The following SLC8A3 variants were observed in gnomAD, a reference collection of about 807,000 sequenced individuals.
The protein encoded by SLC8A3 is sodium/calcium exchanger 3.
In SLC8A3, 37 loss-of-function variants were observed where a neutral mutation model predicts 65.4. The ratio of observed to expected loss-of-function variants is 0.57; its 90% CI spans 0.44 to 0.74. The LOEUF (loss-of-function observed/expected upper bound fraction) is 0.74, where lower values mean the gene tolerates loss of function less well. SLC8A3 is among the 30% of genes least tolerant of loss of function. The pLI is 0.00. For synonymous variants in SLC8A3, 461 were observed against 444.5 expected, an observed-to-expected ratio of 1.04 and a Z score of -0.47; for missense variants, 1,112 against 1,172.1, an observed-to-expected ratio of 0.95 and a Z score of 0.75.
chr14:70,142,298 G>A (rs896873079), intron 2 of SLC8A3, among the ~76,000 whole-genome samples: 6 of 152,230 alleles, frequency 3.9e-5, no homozygotes, highest in Non-Finnish European at 8.8e-5. Context: ...CAAACCTTCA[G>A]AATCTCAGAC....
At chr14:70,157,039 G>A (rs76050812) in intron 2 of SLC8A3, among the ~76,000 whole-genome samples, 1,551 of 152,320 alleles carry the variant, frequency 0.01, 31 homozygotes, top group African/African-American at 0.036. Context: ...CACTAAGAAT[G>A]TTTTCTGTTG....
intron 3 of SLC8A3, among the ~76,000 whole-genome samples, chr14:70,057,118 T>G (rs1267248777): frequency 1.3e-5 from 2 of 152,170 alleles, no homozygotes; most frequent in Middle Eastern, 3.2e-3. Flanking sequence ...AACTCAGGCC[T>G]GTGATCAATC....
intron 1 of SLC8A3, among the ~76,000 whole-genome samples, chr14:70,172,849 T>G (rs59651605): frequency 0.039 from 5,935 of 152,128 alleles, 416 homozygotes; most frequent in East Asian, 0.34. Context: ...GGAGGCATTC[T>G]GAAGGAGGTG....
At chr14:70,126,570 T>TCTCTCTCA (rs1385909771) in intron 2 of SLC8A3, among the ~76,000 whole-genome samples, 3,625 of 116,996 alleles carry the variant, frequency 0.031, 68 homozygotes, top group Non-Finnish European at 0.036. Flanking sequence ...TCTCTCTCTC[T>TCTCTCTCA]CACACACACA....
chr14:70,058,612 A>G (rs1405677306), intron 3 of SLC8A3, among the ~76,000 whole-genome samples: 2 of 152,216 alleles, frequency 1.3e-5, no homozygotes, highest in Admixed American at 1.3e-4. Flanking sequence ...AAACAGGAAG[A>G]TGTCCTTAAA....
chr14:70,098,389 C>T (rs757519070), intron 2 of SLC8A3, among the ~76,000 whole-genome samples: 1 of 152,130 alleles, frequency 6.6e-6, no homozygotes, highest in Non-Finnish European at 1.5e-5. Context: ...GCTAAAAATA[C>T]TTCTGGCAGC....
chr14:70,187,639 G>GTT (rs775352761), intron 1 of SLC8A3, among the ~76,000 whole-genome samples: 9,419 of 128,004 alleles, frequency 0.074, 650 homozygotes, highest in East Asian at 0.34. Context: ...GTGTGTGTGT[G>GTT]TCCGCGCGCG....
intron 2 of SLC8A3, among the ~76,000 whole-genome samples, chr14:70,134,740 T>C (rs1356366157): frequency 1.3e-5 from 2 of 152,192 alleles, no homozygotes; most frequent in African/African-American, 2.4e-5. Context: ...CAGCGGTCTT[T>C]AAAGCATACA....
chr14:70,179,122 T>G (rs1027924643), intron 1 of SLC8A3, among the ~76,000 whole-genome samples: 1 of 152,212 alleles, frequency 6.6e-6, no homozygotes, highest in Non-Finnish European at 1.5e-5. Flanking sequence ...TCTCTCTACT[T>G]GAAACAACCT....
At chr14:70,047,851 G>C (rs1886970224) in intron 6 of SLC8A3, 2 of 152,250 alleles carry the variant, frequency 1.3e-5, no homozygotes, top group Non-Finnish European at 1.5e-5. Context: ...TGCAGCCCCT[G>C]TCTACCTGCT....
At chr14:70,145,703 C>T (rs1252175911) in intron 2 of SLC8A3, among the ~76,000 whole-genome samples, 1 of 152,170 alleles carries the variant, frequency 6.6e-6, no homozygotes. Flanking sequence ...AGGAAGGGGA[C>T]ATGAAAGAAA....
intron 2 of SLC8A3, among the ~76,000 whole-genome samples, chr14:70,161,291 A>C (rs1050957076): frequency 8.3e-6 from 1 of 120,150 alleles, no homozygotes; most frequent in African/African-American, 4.4e-5. Context: ...TCCATCTCAA[A>C]AAAAAAAAAA....
chr14:70,049,079 G>A (rs751964816), intron 5 of SLC8A3, 37 bp from the exon 6 acceptor site: 13 of 1,564,840 alleles, frequency 8.3e-6, no homozygotes, highest in Admixed American at 1.8e-5. Context: ...AACGGGTAAC[G>A]AAGTCAGATA....
intron 2 of SLC8A3, among the ~76,000 whole-genome samples, chr14:70,163,091 T>C (rs1200583546): frequency 6.6e-6 from 1 of 152,244 alleles, no homozygotes; most frequent in Non-Finnish European, 1.5e-5. Context: ...TTAACCCCAG[T>C]GCCTAGTAAT....
rs140290016 is a variant in SLC8A3 at position 70,109,066 on chromosome 14, G to A, written c.1785-48127C>T. Among the ~76,000 whole-genome samples, 472 of 152,026 alleles carry A rather than the reference G, an allele frequency of 3.1e-3. 5 individuals carry two copies. Among genetic ancestry groups the A allele is most frequent in the African/African-American group, 0.011 (450 of 41,478 alleles). On this transcript the variant is annotated intron_variant, in intron 2 of 6. Transcript: ENST00000356921. ...TCATGTGTAGCACTTTTCACAAATTGTAATTTATATATTTATTTTTTATTT... is the reference window on the plus strand; with the variant it reads ...TCATGTGTAGCACTTTTCACAAATTATAATTTATATATTTATTTTTTATTT...
At chr14:70,186,279 G>A (rs1328698153) in intron 1 of SLC8A3, among the ~76,000 whole-genome samples, 1 of 152,172 alleles carries the variant, frequency 6.6e-6, no homozygotes, top group African/African-American at 2.4e-5. Flanking sequence ...CCAGCCCTGT[G>A]GAACTGTGAC....
At chr14:70,125,574 T>C (rs61649977) in intron 2 of SLC8A3, among the ~76,000 whole-genome samples, 17,788 of 152,098 alleles carry the variant, frequency 0.12, 1,112 homozygotes, top group Middle Eastern at 0.16. Flanking sequence ...TATCCAGTCA[T>C]CCATGGATGG....
intron 2 of SLC8A3, among the ~76,000 whole-genome samples, chr14:70,086,797 A>AAT (rs1287086676): frequency 6.6e-6 from 1 of 152,168 alleles, no homozygotes. Flanking sequence ...TCTCAAGAAC[A>AAT]ATAGGACAAG....
At chr14:70,181,465 CA>C (rs11306400) in intron 1 of SLC8A3, among the ~76,000 whole-genome samples, 76,988 of 127,662 alleles carry the variant, frequency 0.6, 21,089 homozygotes, top group South Asian at 0.71. Flanking sequence ...AAGCCACACG[CA>C]AAAAAAAAAA....
Sources: gnomAD v4.1 joint callset for allele counts (sites outside exome capture counted in the v4.1 genomes callset) on GRCh38, gnomAD v4.1.1 for gene constraint, MANE v1.5 for transcripts, NCBI Gene and HGNC (gene_info 2026-07-23, HGNC 2026-07-21) for gene names.